Variants in ZNF250 observed in about 807,000 individuals in gnomAD.
ZNF250 encodes the protein zinc finger protein 250.
Under a neutral mutation model 37.1 loss-of-function variants are expected in ZNF250, and 13 were observed. The ratio of observed to expected loss-of-function variants is 0.35; its 90% CI spans 0.23 to 0.56. ZNF250 has a LOEUF of 0.56. ZNF250 is among the 20% of genes least tolerant of loss of function. The pLI is 0.87. For synonymous variants in ZNF250, 251 were observed against 265.6 expected, an observed-to-expected ratio of 0.94 and a Z score of 0.54; for missense variants, 474 against 697.9, an observed-to-expected ratio of 0.68 and a Z score of 3.61.
At chr8:144,892,155 G>A (rs1832386521) in intron 1 of ZNF250, among the ~76,000 whole-genome samples, 1 of 152,244 alleles carries the variant, frequency 6.6e-6, no homozygotes, top group Admixed American at 6.5e-5. Context: ...CCCCCGTGCT[G>A]CTGTTCTCCA....
chr8:144,900,412 T>TGTGC (rs542849692), intron 1 of ZNF250, among the ~76,000 whole-genome samples: 131 of 152,154 alleles, frequency 8.6e-4, no homozygotes, highest in African/African-American at 2.3e-3. Flanking sequence ...GAAAAAAGGG[T>TGTGC]GTGCGTGCGT....
intron 1 of ZNF250, among the ~76,000 whole-genome samples, chr8:144,900,617 G>C (rs1432183121): frequency 6.6e-6 from 1 of 152,130 alleles, no homozygotes; most frequent in Non-Finnish European, 1.5e-5. Flanking sequence ...GTGTTGCAAA[G>C]AGTTGGGCTC....
Position 144,882,921 on chromosome 8 carries a change from A to T in ZNF250, c.347-85T>A. The T allele has an allele frequency of 6.7e-7, 1 of 1,496,742 alleles. No homozygotes were observed. The highest frequency in any genetic ancestry group is 9.0e-7 in the Non-Finnish European group (1 of 1,111,680). 92.7% of individuals were successfully genotyped at this position (1,496,742 alleles called of 1,614,324 possible). A position where few individuals can be genotyped will look rare whatever the true frequency, so the allele number is the denominator to read the frequency against. ...AACCCTGAAACTGGCCTTGCTGATG[A>T]AGGTGCAAAATCCCTCAATGCACAC... On this transcript the variant is annotated intron_variant, in intron 5 of 5. Coordinates refer to ENST00000417550, the MANE Select transcript of ZNF250 (RefSeq NM_001109689.4). This position sits in a 1 kb window ranked among gnomAD's most constrained non-coding sequence, Gnocchi z 5.5.
chr8:144,887,845 C>T (rs1407833588), intron 4 of ZNF250, among the ~76,000 whole-genome samples: 3 of 152,168 alleles, frequency 2.0e-5, no homozygotes, highest in African/African-American at 7.2e-5. Context: ...CTGGCATGTA[C>T]CTTGTTCCTC....
chr8:144,892,617 A>C (rs1832424523), intron 1 of ZNF250, among the ~76,000 whole-genome samples: 1 of 151,658 alleles, frequency 6.6e-6, no homozygotes, highest in Non-Finnish European at 1.5e-5. Context: ...TGCAACGGCG[A>C]GATCTCGGCT....
chr8:144,881,891 G>C lies in ZNF250; in HGVS notation c.1292C>G (p.Ser431Ter), dbSNP rs1224142813. 1 of 1,614,034 alleles carries C rather than the reference G, an allele frequency of 6.2e-7. No individual in the cohort carries two copies. Among genetic ancestry groups the C allele is most frequent in the East Asian group, 2.2e-5 (1 of 44,860 alleles). The change falls in exon 6 of 6, where the codon TCA becomes TGA. Residue 431 changes from serine to a stop codon, truncating the protein, a stop_gained. Coordinates refer to ENST00000417550, the MANE Select transcript of ZNF250 (RefSeq NM_001109689.4). LOFTEE classifies it high-confidence loss of function. The part of the protein sequence containing the change: ...YECGKAFVQH[S>*]HLIQHQRVHT... ...GACTCTCTGGTGCTGGATCAGGTGT[G>C]AGTGCTGAACGAAGGCCTTCCCACA...
At chr8:144,892,721 AT>A (rs1422854975) in intron 1 of ZNF250, among the ~76,000 whole-genome samples, 1 of 151,250 alleles carries the variant, frequency 6.6e-6, no homozygotes, top group Admixed American at 6.6e-5. Context: ...TGCCCAGCTA[AT>A]TTTTTTTGTA....
rs1372510544 is a variant in ZNF250 at position 144,878,985 on chromosome 8, AC to A, written c.*2529del. The A allele has an allele frequency of 1.3e-5, 2 of 152,208 alleles. No individual in the cohort carries two copies. The highest frequency in any genetic ancestry group is 2.9e-5 in the Non-Finnish European group (2 of 68,040). 9.4% of individuals were successfully genotyped at this position (152,208 alleles called of 1,614,324 possible). A position where few individuals can be genotyped will look rare whatever the true frequency, so the allele number is the denominator to read the frequency against. Reference sequence around the variant, plus strand: ...CAGTGTACTCAGATCCTCTGAAGTAACAAAAATTGTCTCACTTTCTTTCTGA... The same window carrying A: ...CAGTGTACTCAGATCCTCTGAAGTAAAAAAATTGTCTCACTTTCTTTCTGA... On this transcript the variant is annotated 3_prime_UTR_variant, in exon 6 of 6. Transcript: ENST00000417550.
intron 4 of ZNF250, 97 bp from the exon 5 acceptor site, chr8:144,886,999 C>T (rs920571532): frequency 8.1e-6 from 9 of 1,110,600 alleles, no homozygotes; most frequent in East Asian, 7.4e-5. Flanking sequence ...GTAATCCCAG[C>T]ACTTTGGGAG....
chr8:144,882,777 C>G lies in ZNF250; in HGVS notation c.406G>C (p.Glu136Gln). The G allele has an allele frequency of 1.2e-6, 2 of 1,613,942 alleles. No homozygotes were observed. The highest frequency in any genetic ancestry group is 1.1e-5 in the South Asian group (1 of 91,082). Residue 136 changes from glutamate (E) to glutamine (Q), a missense_variant, in exon 6 of 6, where the codon GAG becomes CAG. Physicochemically the swap from Glu to Gln is conservative, Grantham distance 29 (BLOSUM62 2). This residue lies in a region of ZNF250 where 192 missense variants were observed against 227.5 expected (regional missense o/e 0.84). Transcript: ENST00000417550. The surrounding 1 kb of genome is among the most constrained non-coding windows in gnomAD (Gnocchi z 5.5). ...TDLSPKPLISEQTVILGKTPL... is the reference protein window; with the variant it reads ...TDLSPKPLISQQTVILGKTPL... ...GTTTTCCCCAGAATCACTGTTTGCT[C>G]TGAAATTAATGGCTTCGGACTCAAG... is the stretch of plus-strand genomic sequence containing the variant.
rs1161840014 is a variant in ZNF250 at position 144,880,003 on chromosome 8, T to G, written c.*1512A>C. The G allele has an allele frequency of 1.3e-5, 2 of 152,676 alleles. No individual in the cohort carries two copies. The highest frequency in any genetic ancestry group is 2.9e-5 in the Non-Finnish European group (2 of 68,730). The allele number at this position is 152,676 out of a possible 1,614,324, so 9.5% of individuals were successfully genotyped here. A position where few individuals can be genotyped will look rare whatever the true frequency, so the allele number is the denominator to read the frequency against. ...ATTGCTTGAACCTGGGAGGTGGAGA[T>G]TGCAGTGAGCTGAGATTGTGCCATT... On this transcript the variant is annotated 3_prime_UTR_variant, in exon 6 of 6. Transcript: ENST00000417550.
Position 144,889,564 on chromosome 8 carries a change from C to G in ZNF250, c.283+17G>C, listed in dbSNP as rs1201265526. ...GTTTAGCCCTCAGTGAGGGAGGGGC[C>G]AGCTCTCCTCACTCACCTGAGTAGT... On this transcript the variant is annotated intron_variant, in intron 4 of 5. Coordinates refer to ENST00000417550, the MANE Select transcript of ZNF250 (RefSeq NM_001109689.4). The G allele has an allele frequency of 1.9e-6, 3 of 1,594,658 alleles. No homozygotes were observed. The highest frequency in any genetic ancestry group is 4.5e-5 in the East Asian group (2 of 44,780).
At chr8:144,883,031 G>A (rs1831610609) in intron 5 of ZNF250, among the ~76,000 whole-genome samples, 195 bp from the exon 6 acceptor site, 1 of 152,222 alleles carries the variant, frequency 6.6e-6, no homozygotes, top group African/African-American at 2.4e-5. Context: ...AGACAGGAAG[G>A]TGCCAAGGCA....
rs1831367284 is a variant in ZNF250, at chr8:144,880,175, A to G, written c.*1340T>C. 4.5e-6 allele frequency: 1 copy of G among 220,464 alleles called. No homozygotes were observed. The highest frequency in any genetic ancestry group is 5.0e-5 in the Admixed American group (1 of 19,878). The allele number at this position is 220,464 out of a possible 1,614,324, so 13.7% of individuals were successfully genotyped here. A position where few individuals can be genotyped will look rare whatever the true frequency, so the allele number is the denominator to read the frequency against. On this transcript the variant is annotated 3_prime_UTR_variant, in exon 6 of 6. Transcript: ENST00000417550. ...TCATCATAGTAATATGGCAATGGATACTGGACTCTTGAACCAGGAGTAAAA... is the reference window on the plus strand; with the variant it reads ...TCATCATAGTAATATGGCAATGGATGCTGGACTCTTGAACCAGGAGTAAAA...
chr8:144,889,986 C>T lies in ZNF250; in HGVS notation c.116G>A (p.Arg39Lys). Residue 39 changes from arginine to lysine, a missense_variant, in exon 3 of 6, where the codon AGG becomes AAG. By Grantham distance (26) the Arg-to-Lys change is conservative (BLOSUM62 2). Transcript: ENST00000417550. ...CATCATCACATTTCTGTAGAGACCC[C>T]TCTGAGCAGGGCACAGGCGGTCCCA... is the stretch of plus-strand genomic sequence containing the variant. ...DEWDRLCPAQ[R>K]GLYRNVMMET... 1.2e-6 allele frequency: 2 copies of T among 1,613,544 alleles called. No individual in the cohort carries two copies. The highest frequency in any genetic ancestry group is 8.5e-7 in the Non-Finnish European group (1 of 1,179,660).
intron 4 of ZNF250, among the ~76,000 whole-genome samples, chr8:144,889,279 C>A (rs1015192601): frequency 1.3e-5 from 2 of 152,196 alleles, no homozygotes; most frequent in Admixed American, 6.5e-5. Flanking sequence ...CCTATTAGGA[C>A]CAAATCTGGC....
intron 5 of ZNF250, among the ~76,000 whole-genome samples, chr8:144,883,263 G>A (rs565170336): frequency 6.6e-6 from 1 of 152,304 alleles, no homozygotes; most frequent in African/African-American, 2.4e-5. Flanking sequence ...AGCAAGTCGG[G>A]GTGTGCCATC....
At chr8:144,893,449 G>C (rs774067928) in intron 1 of ZNF250, among the ~76,000 whole-genome samples, 4 of 152,102 alleles carry the variant, frequency 2.6e-5, no homozygotes, top group Non-Finnish European at 4.4e-5. Flanking sequence ...TCCTACCTTA[G>C]CCTCCTGAGT....
rs569045088 is a variant in ZNF250, at chr8:144,901,036, G to A, written c.-55+363C>T. 6.6e-6 allele frequency among the ~76,000 whole-genome samples: 1 copy of A among 152,262 alleles called. No homozygotes were observed. Among genetic ancestry groups the A allele is most frequent in the East Asian group, 1.9e-4 (1 of 5,168 alleles). ...TAGAAAGCGCGCGGGAGGGCACGAG[G>A]GGGAGGAAGGCCGGAGATCTGAGGA... On this transcript the variant is annotated intron_variant, in intron 1 of 5. Coordinates refer to ENST00000417550, the MANE Select transcript of ZNF250 (RefSeq NM_001109689.4). The surrounding 1 kb of genome is among the most constrained non-coding windows in gnomAD (Gnocchi z 5.4).
Sources: gnomAD v4.1 joint callset for allele counts (sites outside exome capture counted in the v4.1 genomes callset) on GRCh38, gnomAD v4.1.1 for gene constraint, gnomAD v4.1.1 regional missense constraint, Gnocchi (gnomAD v3.1) non-coding constraint, MANE v1.5 for transcripts, NCBI Gene and HGNC (gene_info 2026-07-23, HGNC 2026-07-21) for gene names.